RYK: variants seen among roughly 807,000 people sequenced by gnomAD.
RYK encodes inactive tyrosine-protein kinase RYK.
Under a neutral mutation model 70.2 loss-of-function variants are expected in RYK, and 21 were observed. The observed-to-expected ratio is 0.30, with a 90% confidence interval of 0.21 to 0.43. The LOEUF is 0.43. Among genes scored for constraint, RYK ranks in the 20% least tolerant of loss-of-function variants. The pLI, the probability that RYK is intolerant of heterozygous loss-of-function variation, is 1.00. For missense variants in RYK, 604 were observed against 753.3 expected, an observed-to-expected ratio of 0.80 and a Z score of 2.32; for synonymous variants, 267 against 278.0, an observed-to-expected ratio of 0.96 and a Z score of 0.39.
At chr3:134,160,616 C>G (rs748947798) in intron 13 of RYK, among the ~76,000 whole-genome samples, 14 of 152,024 alleles carry the variant, frequency 9.2e-5, no homozygotes, top group Non-Finnish European at 2.1e-4. Flanking sequence ...ACCTGTAATC[C>G]CAGCACTTTG....
At chr3:134,194,402 A>C (rs1393010639) in intron 7 of RYK, among the ~76,000 whole-genome samples, 1 of 152,178 alleles carries the variant, frequency 6.6e-6, no homozygotes, top group African/African-American at 2.4e-5. Context: ...AAGCTCTTCA[A>C]GTCTTAGCTA....
At chr3:134,204,591 C>CCACCCACACA (rs1553771724) in intron 5 of RYK, among the ~76,000 whole-genome samples, 8 of 140,784 alleles carry the variant, frequency 5.7e-5, no homozygotes, top group African/African-American at 2.1e-4. Context: ...ACAGCCACAG[C>CCACCCACACA]CACACACACA....
intron 2 of RYK, among the ~76,000 whole-genome samples, chr3:134,217,286 G>C (rs2014586262): frequency 6.6e-6 from 1 of 152,180 alleles, no homozygotes; most frequent in Non-Finnish European, 1.5e-5. Flanking sequence ...GAGCTTGAGA[G>C]CCACGGCCCT....
intron 1 of RYK, among the ~76,000 whole-genome samples, chr3:134,244,700 G>C (rs1439531702): frequency 6.6e-6 from 1 of 152,130 alleles, no homozygotes; most frequent in Non-Finnish European, 1.5e-5. Context: ...AGGACCGTGT[G>C]CCCTACTACT....
chr3:134,231,150 T>C (rs765040296), intron 1 of RYK, among the ~76,000 whole-genome samples: 7 of 149,694 alleles, frequency 4.7e-5, no homozygotes, highest in East Asian at 2.0e-4. Flanking sequence ...TTCAACTCCA[T>C]GTTAAGCTAG....
At chr3:134,241,307 A>G (rs1247870510) in intron 1 of RYK, among the ~76,000 whole-genome samples, 2 of 151,614 alleles carry the variant, frequency 1.3e-5, no homozygotes, top group Non-Finnish European at 2.9e-5. Flanking sequence ...CTGAGATTGC[A>G]CCACTGTACT....
chr3:134,187,722 T>C (rs1344537415), intron 9 of RYK, among the ~76,000 whole-genome samples: 2 of 134,976 alleles, frequency 1.5e-5, no homozygotes, highest in East Asian at 4.1e-4. Context: ...ACCCAGCTAC[T>C]TTTTTTTTTT....
chr3:134,201,711 C>T (rs143760716), intron 6 of RYK, among the ~76,000 whole-genome samples: 49 of 151,936 alleles, frequency 3.2e-4, no homozygotes, highest in African/African-American at 1.1e-3. Flanking sequence ...AAGTGTGGGG[C>T]GAAAGTGAGG....
chr3:134,245,096 A>G (rs2015429529), intron 1 of RYK, among the ~76,000 whole-genome samples: 1 of 152,232 alleles, frequency 6.6e-6, no homozygotes, highest in Non-Finnish European at 1.5e-5. Flanking sequence ...ACTTTGTTAC[A>G]GCAGCCTGAG....
rs57185535 is a variant in RYK at position 134,196,582 on chromosome 3, A to AACACACACAC, written c.789-1410_789-1401dup. Among the ~76,000 whole-genome samples the AACACACACAC allele has an allele frequency of 4.1e-3, 526 of 128,476 alleles. 5 individuals are homozygous for AACACACACAC. The highest frequency in any genetic ancestry group is 0.017 in the Middle Eastern group (4 of 236). The allele number at this position is 128,476 out of a possible 152,430, so 84.3% of individuals were successfully genotyped here. On this transcript the variant is annotated intron_variant, in intron 6 of 14. Transcript: ENST00000623711. ...TAGTGAGACCCTGTCTCTGAAACAAAACACACACACACACACACACACACA... is the reference window on the plus strand; with the variant it reads ...TAGTGAGACCCTGTCTCTGAAACAAAACACACACACACACACACACACACACACACACACA...
At chr3:134,224,502 G>T (rs116931000) in intron 1 of RYK, among the ~76,000 whole-genome samples, 1 of 152,186 alleles carries the variant, frequency 6.6e-6, no homozygotes, top group Non-Finnish European at 1.5e-5. Flanking sequence ...GCATAGCATC[G>T]CAGGGAGACG....
chr3:134,239,609 G>C (rs911089324), intron 1 of RYK, among the ~76,000 whole-genome samples: 1 of 152,208 alleles, frequency 6.6e-6, no homozygotes, highest in African/African-American at 2.4e-5. Flanking sequence ...GATGACTCCA[G>C]TAAGGCACAG....
intron 1 of RYK, among the ~76,000 whole-genome samples, chr3:134,238,364 T>G (rs1560028936): frequency 1.3e-5 from 2 of 152,200 alleles, no homozygotes; most frequent in Non-Finnish European, 2.9e-5. Flanking sequence ...CTTGAGAGTG[T>G]ATGTTCATAC....
chr3:134,197,053 G>A (rs776646160), intron 6 of RYK, among the ~76,000 whole-genome samples: 2 of 152,010 alleles, frequency 1.3e-5, no homozygotes, highest in Non-Finnish European at 2.9e-5. Context: ...TGCTTTTAAT[G>A]ACAAAAACTG....
chr3:134,234,000 A>T (rs1336886685), intron 1 of RYK, among the ~76,000 whole-genome samples: 1 of 152,180 alleles, frequency 6.6e-6, no homozygotes, highest in African/African-American at 2.4e-5. Flanking sequence ...CTTTAAAAAA[A>T]GGGAAAATAG....
chr3:134,184,702 T>C (rs1385585811), intron 9 of RYK, among the ~76,000 whole-genome samples: 2 of 151,930 alleles, frequency 1.3e-5, no homozygotes, highest in African/African-American at 4.8e-5. Context: ...GACATCAAGG[T>C]TGCAGTGAGC....
chr3:134,178,944 CTATGCTA>C (rs1245894202), intron 10 of RYK: 3 of 152,262 alleles, frequency 2.0e-5, no homozygotes, highest in African/African-American at 4.8e-5. Context: ...ACTTCGTAAT[CTATGCTA>C]TATAAAACAA....
chr3:134,223,025 G>A (rs2014787739), intron 1 of RYK, among the ~76,000 whole-genome samples: 4 of 152,172 alleles, frequency 2.6e-5, no homozygotes, highest in Non-Finnish European at 5.9e-5. Context: ...GACAACACAA[G>A]GTCCTTGCTG....
Position 134,234,133 on chromosome 3 carries a change from G to C in RYK, c.233-11594C>G, listed in dbSNP as rs554426160. ...GTTAAGCTGGAAAAACAATAAAAGTGTTCAAAAACATGTTTAAAGAAATAT... is the reference window on the plus strand; with the variant it reads ...GTTAAGCTGGAAAAACAATAAAAGTCTTCAAAAACATGTTTAAAGAAATAT... On this transcript the variant is annotated intron_variant, in intron 1 of 14. Transcript: ENST00000623711. Among the ~76,000 whole-genome samples, 6 of 152,106 alleles carry C rather than the reference G, an allele frequency of 3.9e-5. No individual in the cohort carries two copies. In the East Asian group the frequency reaches 1.2e-3, roughly 29 times the overall value.
Sources: gnomAD v4.1 joint callset for allele counts (sites outside exome capture counted in the v4.1 genomes callset) on GRCh38, gnomAD v4.1.1 for gene constraint, MANE v1.5 for transcripts, NCBI Gene and HGNC (gene_info 2026-07-23, HGNC 2026-07-21) for gene names.